Variants in STARD13 observed in about 807,000 individuals in gnomAD.
STARD13 encodes stAR-related lipid transfer protein 13.
STARD13 carries 62 observed loss-of-function variants against 106.4 expected under a neutral mutation model. That is an observed-to-expected ratio of 0.58 (90% CI 0.48 to 0.72). STARD13 has a LOEUF of 0.72. Ranked by LOEUF, STARD13 falls within the 30% of genes least tolerant of loss-of-function variation. The pLI is 0.00. For missense variants in STARD13, 1,387 were observed against 1,424.0 expected, an observed-to-expected ratio of 0.97 and a Z score of 0.42; for synonymous variants, 565 against 553.0, an observed-to-expected ratio of 1.02 and a Z score of -0.31.
the STARD13 span, among the ~76,000 whole-genome samples, chr13:33,551,831 C>G: frequency 6.6e-6 from 1 of 151,856 alleles, no homozygotes; most frequent in African/African-American, 2.4e-5. Flanking sequence ...CTCCTGACCT[C>G]AGGTGATCCA....
At chr13:33,267,214 T>C (rs146638511) in intron 1 of STARD13, among the ~76,000 whole-genome samples, 20 of 152,236 alleles carry the variant, frequency 1.3e-4, no homozygotes, top group Non-Finnish European at 2.5e-4. Flanking sequence ...GGACCACCTA[T>C]TCAAATTTGA....
intron 1 of STARD13, among the ~76,000 whole-genome samples, chr13:33,184,508 C>G (rs996208232): frequency 1.3e-5 from 2 of 152,134 alleles, no homozygotes; most frequent in African/African-American, 4.8e-5. Flanking sequence ...TTAAAAAAAT[C>G]TTTCAGAGAG....
At chr13:33,387,202 GC>G in the STARD13 span, among the ~76,000 whole-genome samples, 3 of 152,110 alleles carry the variant, frequency 2.0e-5, no homozygotes, top group Non-Finnish European at 4.4e-5. Context: ...ATTGGATTGT[GC>G]TATATTGCCC....
chr13:33,151,626 G>A (rs535322306), intron 3 of STARD13, among the ~76,000 whole-genome samples: 1 of 152,278 alleles, frequency 6.6e-6, no homozygotes, highest in South Asian at 2.1e-4. Flanking sequence ...GGATAAGCCT[G>A]GACAAGCAGG....
chr13:33,319,898 T>C (rs1242971172), intron 1 of STARD13, among the ~76,000 whole-genome samples: 1 of 152,238 alleles, frequency 6.6e-6, no homozygotes, highest in African/African-American at 2.4e-5. Flanking sequence ...CTCTATAGCA[T>C]GATACGGAAC....
At chr13:33,117,576 T>G in intron 8 of STARD13, 2 of 969,584 alleles carry the variant, frequency 2.1e-6, no homozygotes, top group Non-Finnish European at 2.5e-6. Flanking sequence ...TATTTAAGCT[T>G]AAGACTTGAT....
the STARD13 span, chr13:33,383,829 G>A: frequency 6.8e-6 from 1 of 146,060 alleles, no homozygotes; most frequent in Non-Finnish European, 1.5e-5. Context: ...TCATCTGCAT[G>A]TCTCATGCAC....
At chr13:33,188,764 A>G (rs1303292416) in intron 1 of STARD13, among the ~76,000 whole-genome samples, 2 of 152,226 alleles carry the variant, frequency 1.3e-5, no homozygotes, top group Admixed American at 6.5e-5. Context: ...TTAATATCAG[A>G]TCCTCTGAGC....
chr13:33,323,827 C>A (rs1893645927), intron 1 of STARD13, among the ~76,000 whole-genome samples: 1 of 152,182 alleles, frequency 6.6e-6, no homozygotes, highest in South Asian at 2.1e-4. Context: ...TTGGTCCAGT[C>A]TAATTTCTAT....
At chr13:33,470,038 A>G in the STARD13 span, among the ~76,000 whole-genome samples, 1 of 152,212 alleles carries the variant, frequency 6.6e-6, no homozygotes, top group Non-Finnish European at 1.5e-5. Flanking sequence ...ATTTCTCCTA[A>G]TGCTATCCCT....
chr13:33,656,956 A>C, the STARD13 span: 1 of 152,238 alleles, frequency 6.6e-6, no homozygotes, highest in African/African-American at 2.4e-5. Context: ...GAGTGATAGA[A>C]TCACAAAGCA....
the STARD13 span, among the ~76,000 whole-genome samples, chr13:33,629,325 G>C: frequency 6.6e-6 from 1 of 152,190 alleles, no homozygotes; most frequent in Non-Finnish European, 1.5e-5. Context: ...TACTTAGACT[G>C]TCCTGGAAGA....
the STARD13 span, among the ~76,000 whole-genome samples, chr13:33,404,773 C>A: frequency 1.6e-5 from 2 of 122,250 alleles, no homozygotes; most frequent in Non-Finnish European, 3.5e-5. Context: ...ACCTCTGGGA[C>A]TTTTTTTTTT....
the STARD13 span, among the ~76,000 whole-genome samples, chr13:33,440,267 A>T: frequency 1.0e-4 from 15 of 148,940 alleles, no homozygotes; most frequent in South Asian, 3.2e-3. Flanking sequence ...CGACAGAACG[A>T]GGCAAAAAAA....
the STARD13 span, among the ~76,000 whole-genome samples, chr13:33,400,822 G>A: frequency 6.6e-6 from 1 of 152,106 alleles, no homozygotes; most frequent in South Asian, 2.1e-4. Context: ...AACTCATCAA[G>A]CTTTACACTT....
the STARD13 span, among the ~76,000 whole-genome samples, chr13:33,426,563 T>C: frequency 6.6e-6 from 1 of 152,214 alleles, no homozygotes; most frequent in Non-Finnish European, 1.5e-5. Context: ...ATTATAAGCA[T>C]TGGGCTATTT....
the STARD13 span, among the ~76,000 whole-genome samples, chr13:33,379,222 A>C: frequency 1.3e-5 from 2 of 152,346 alleles, no homozygotes; most frequent in East Asian, 3.9e-4. Context: ...TTTTCCTTAG[A>C]GAGCTCTTAT....
At chr13:33,147,310 C>T (rs933669526) in intron 3 of STARD13, among the ~76,000 whole-genome samples, 1 of 152,156 alleles carries the variant, frequency 6.6e-6, no homozygotes, top group Non-Finnish European at 1.5e-5. Flanking sequence ...CCAGGAAAGA[C>T]CTGAGCTGGC....
At chr13:33,467,107 T>C in the STARD13 span, among the ~76,000 whole-genome samples, 7 of 152,068 alleles carry the variant, frequency 4.6e-5, no homozygotes, top group Admixed American at 2.6e-4. Flanking sequence ...TTTATTTCTA[T>C]TATTATTACA....
Sources: allele counts gnomAD v4.1 joint callset (sites outside exome capture counted in the v4.1 genomes callset), GRCh38; gene constraint gnomAD v4.1.1; transcripts MANE v1.5; gene names NCBI Gene and HGNC (gene_info 2026-07-23, HGNC 2026-07-21).